The following HSD17B12 variants were observed in gnomAD, a reference collection of about 807,000 sequenced individuals.
HSD17B12 encodes the protein very-long-chain 3-oxoacyl-CoA reductase.
A neutral mutation model predicts 39.3 loss-of-function variants in HSD17B12; 32 were observed. The ratio of observed to expected loss-of-function variants is 0.81; its 90% confidence interval spans 0.61 to 1.09. HSD17B12 has a LOEUF of 1.09. Among genes scored for constraint, HSD17B12 ranks in the 50% least tolerant of loss-of-function variants. The probability of loss-of-function intolerance (pLI) is 0.00; values close to 1 mark genes in which losing one functional copy is unlikely to be tolerated. For synonymous variants in HSD17B12, 150 were observed against 146.7 expected, an observed-to-expected ratio of 1.02 and a Z score of -0.16; for missense variants, 342 against 382.9, an observed-to-expected ratio of 0.89 and a Z score of 0.89.
At chr11:43,816,996 ATC>A (rs1565099796) in intron 6 of HSD17B12, among the ~76,000 whole-genome samples, 12 of 51,804 alleles carry the variant, frequency 2.3e-4, no homozygotes, top group Middle Eastern at 0.011. Context: ...CTATATCTAT[ATC>A]TATATCTATA....
chr11:43,847,083 A>G (rs1193912737), intron 9 of HSD17B12, among the ~76,000 whole-genome samples: 1 of 84,916 alleles, frequency 1.2e-5, no homozygotes, highest in Admixed American at 9.8e-5. Context: ...AACATGGGGA[A>G]GTGTAGAGAG....
the HSD17B12 span, among the ~76,000 whole-genome samples, chr11:43,625,447 CAT>C: frequency 2.6e-5 from 4 of 151,300 alleles, no homozygotes. Flanking sequence ...ATAATTCTGA[CAT>C]AATCTGAAAC....
In HSD17B12 at chr11:43,830,913, T is replaced by C. The variant is rs1469483907; in HGVS notation, c.502-63T>C. 4.3e-6 allele frequency: 6 copies of C among 1,388,700 alleles called. No individual in the cohort carries two copies. In the Middle Eastern group the frequency reaches 7.2e-4, roughly 166 times the overall value. 86.0% of individuals were successfully genotyped at this position (1,388,700 alleles called of 1,614,324 possible). ...TTCTTTTTAGTGTGGGTGAGTTTTC[T>C]TCACTCTTTTTCTGTTGCCTGCATC... On this transcript the variant is annotated intron_variant, in intron 6 of 10. Transcript: ENST00000278353.
At chr11:43,592,874 C>G in the HSD17B12 span, among the ~76,000 whole-genome samples, 1 of 151,994 alleles carries the variant, frequency 6.6e-6, no homozygotes, top group African/African-American at 2.4e-5. Flanking sequence ...CTCACACACT[C>G]TTAGAGGCTA....
At chr11:43,611,101 C>T in the HSD17B12 span, among the ~76,000 whole-genome samples, 1 of 152,062 alleles carries the variant, frequency 6.6e-6, no homozygotes. Context: ...TATGTCAAAC[C>T]GTGAATCCAG....
chr11:43,690,583 T>C (rs983041936), intron 1 of HSD17B12, among the ~76,000 whole-genome samples: 3 of 150,680 alleles, frequency 2.0e-5, no homozygotes, highest in African/African-American at 7.3e-5. Flanking sequence ...TTTTTGTGAA[T>C]TATCTTCTCT....
intron 3 of HSD17B12, among the ~76,000 whole-genome samples, chr11:43,759,044 A>G (rs1422101859): frequency 6.6e-6 from 1 of 152,212 alleles, no homozygotes; most frequent in Non-Finnish European, 1.5e-5. Flanking sequence ...TAGTTTAACC[A>G]GGATAACTTG....
chr11:43,649,903 C>G, the HSD17B12 span, among the ~76,000 whole-genome samples: 2 of 152,140 alleles, frequency 1.3e-5, no homozygotes, highest in Non-Finnish European at 2.9e-5. Context: ...TGAAGAAGCC[C>G]TGGAGGATGC....
At chr11:43,740,809 A>T (rs1173079106) in intron 1 of HSD17B12, among the ~76,000 whole-genome samples, 1 of 152,224 alleles carries the variant, frequency 6.6e-6, no homozygotes, top group Non-Finnish European at 1.5e-5. Flanking sequence ...GTTGGAATAT[A>T]AGTCCTTATT....
At chr11:43,760,272 G>T (rs1950544675) in intron 3 of HSD17B12, among the ~76,000 whole-genome samples, 1 of 151,986 alleles carries the variant, frequency 6.6e-6, no homozygotes, top group Non-Finnish European at 1.5e-5. Flanking sequence ...CTGGTCTCCA[G>T]CTCCTGAGCT....
the HSD17B12 span, among the ~76,000 whole-genome samples, chr11:43,625,149 C>G: frequency 2.6e-5 from 4 of 151,502 alleles, no homozygotes; most frequent in African/African-American, 9.7e-5. Flanking sequence ...TTTAAAAAAG[C>G]CTAAACCTTG....
At chr11:43,661,236 C>T in the HSD17B12 span, among the ~76,000 whole-genome samples, 1 of 152,206 alleles carries the variant, frequency 6.6e-6, no homozygotes, top group Admixed American at 6.5e-5. Context: ...TGCATGATTC[C>T]ACTTATATGC....
At chr11:43,757,318 C>T (rs1950514736) in intron 3 of HSD17B12, among the ~76,000 whole-genome samples, 1 of 152,156 alleles carries the variant, frequency 6.6e-6, no homozygotes, top group African/African-American at 2.4e-5. Context: ...TCTCAAAGAA[C>T]TTAAGTGCAG....
At chr11:43,698,689 A>G (rs775309363) in intron 1 of HSD17B12, among the ~76,000 whole-genome samples, 7 of 152,210 alleles carry the variant, frequency 4.6e-5, no homozygotes. Context: ...TGTCTAAGAT[A>G]TTAAGAGTCT....
At chr11:43,769,571 C>T (rs906029244) in intron 3 of HSD17B12, among the ~76,000 whole-genome samples, 1 of 152,160 alleles carries the variant, frequency 6.6e-6, no homozygotes, top group Non-Finnish European at 1.5e-5. Flanking sequence ...CACCCCCTTC[C>T]AGTTTTCCTT....
chr11:43,765,122 CTTCA>C (rs1950584217), intron 3 of HSD17B12, among the ~76,000 whole-genome samples: 1 of 151,516 alleles, frequency 6.6e-6, no homozygotes, highest in African/African-American at 2.4e-5. Flanking sequence ...TTCTGATGCT[CTTCA>C]TTCTTTTATG....
chr11:43,855,058 A>G lies in HSD17B12; in HGVS notation c.835-86A>G, dbSNP rs1455845769. On this transcript the variant is annotated intron_variant, in intron 10 of 10. Transcript: ENST00000278353. The stretch of plus-strand genomic sequence containing the variant: ...AAATCTACCTATAAATAAAAACAAC[A>G]CTATAATAAAACATTAAATCATATG... The G allele has an allele frequency of 1.6e-5, 18 of 1,120,852 alleles. 1 individual carries two copies. The highest frequency in any genetic ancestry group is 2.6e-6 in the Non-Finnish European group (2 of 776,518). 69.4% of individuals were successfully genotyped at this position (1,120,852 alleles called of 1,614,324 possible).
chr11:43,626,054 GA>G, the HSD17B12 span, among the ~76,000 whole-genome samples: 1 of 151,394 alleles, frequency 6.6e-6, no homozygotes, highest in African/African-American at 2.4e-5. Flanking sequence ...TTATTTTCAC[GA>G]AAAGCAATGA....
intron 7 of HSD17B12, among the ~76,000 whole-genome samples, chr11:43,834,892 CG>C (rs1205603753): frequency 1.3e-5 from 2 of 151,900 alleles, no homozygotes; most frequent in Non-Finnish European, 2.9e-5. Flanking sequence ...TGGGTTTTTT[CG>C]CAACATTTTA....
Sources: gnomAD v4.1 joint callset for allele counts (sites outside exome capture counted in the v4.1 genomes callset) on GRCh38, gnomAD v4.1.1 for gene constraint, MANE v1.5 for transcripts, NCBI Gene and HGNC (gene_info 2026-07-23, HGNC 2026-07-21) for gene names.